Variants in ANAPC1 observed in about 807,000 individuals in gnomAD.
ANAPC1 encodes anaphase promoting complex subunit 1.
ANAPC1 carries 36 observed loss-of-function variants against 208.0 expected under a neutral mutation model. That is an observed-to-expected ratio of 0.17 (90% CI 0.13 to 0.23). The LOEUF is 0.23. Among genes scored for constraint, ANAPC1 ranks in the 10% least tolerant of loss-of-function variants. The pLI is 1.00. For missense variants in ANAPC1, 942 were observed against 2,011.6 expected (o/e 0.47, Z 10.17); for synonymous variants, 378 against 695.2 (o/e 0.54, Z 7.18).
intron 2 of ANAPC1, among the ~76,000 whole-genome samples, chr2:111,880,121 C>T (rs1683221311): frequency 6.6e-6 from 1 of 152,162 alleles, no homozygotes; most frequent in East Asian, 1.9e-4. Context: ...CGCCTGTAAA[C>T]GCAGCACTTT....
intron 38 of ANAPC1, 138 bp from the exon 39 acceptor site, chr2:111,788,458 G>C: frequency 1.8e-6 from 2 of 1,111,394 alleles, no homozygotes; most frequent in Non-Finnish European, 1.3e-6. Flanking sequence ...GAGTGTCAGT[G>C]GTGTGAACAT....
intron 3 of ANAPC1, among the ~76,000 whole-genome samples, chr2:111,878,536 C>G (rs957613840): frequency 2.0e-5 from 3 of 151,914 alleles, no homozygotes; most frequent in African/African-American, 7.3e-5. Context: ...TAGGTTTTTG[C>G]TGGCAATAAC....
chr2:111,816,335 TTCTC>T (rs1195210000), intron 27 of ANAPC1, among the ~76,000 whole-genome samples: 4 of 151,044 alleles, frequency 2.6e-5, no homozygotes, highest in Non-Finnish European at 4.4e-5. Context: ...ATATGCCCCC[TTCTC>T]TCTCTTTTTT....
chr2:111,788,392 T>C, intron 38 of ANAPC1, 72 bp from the exon 39 acceptor site: 1 of 1,569,260 alleles, frequency 6.4e-7, no homozygotes, highest in Non-Finnish European at 8.7e-7. Context: ...TTCTTGAGAA[T>C]CAGGAAACTG....
intron 7 of ANAPC1, among the ~76,000 whole-genome samples, chr2:111,866,770 C>G (rs1682444064): frequency 6.8e-6 from 1 of 147,114 alleles, no homozygotes; most frequent in Non-Finnish European, 1.5e-5. Context: ...AGACTATTCT[C>G]CAGAGAAAAA....
rs141781908 is a variant in ANAPC1, at chr2:111,863,681, G to T, written c.1046C>A (p.Ala349Asp). The T allele has an allele frequency of 6.2e-7, 1 of 1,613,048 alleles. No individual in the cohort carries two copies. Among genetic ancestry groups the T allele is most frequent in the African/African-American group, 1.3e-5 (1 of 74,892 alleles). Reference sequence around the variant, plus strand: ...AACCAGGAAACCCTTATACCTTAGAGCTGCCATGTTGGAAATAGAAGGTGA... The same window carrying T: ...AACCAGGAAACCCTTATACCTTAGATCTGCCATGTTGGAAATAGAAGGTGA... The part of the protein sequence containing the change: ...SRSPSISNMA[A>D]LSRAHSPALG... The change falls in exon 9 of 48, where the codon GCT becomes GAT. Residue 349 changes from alanine (A) to aspartate (D), a missense_variant. Ala to Asp is a moderately radical substitution (Grantham distance 126). Coordinates refer to ENST00000341068, the MANE Select transcript of ANAPC1 (RefSeq NM_022662.4).
At chr2:111,800,226 G>A (rs1379496451) in intron 34 of ANAPC1, among the ~76,000 whole-genome samples, 1 of 145,912 alleles carries the variant, frequency 6.9e-6, no homozygotes, top group Non-Finnish European at 1.5e-5. Context: ...TTCAATCTTT[G>A]AGATTTTTCT....
intron 47 of ANAPC1, chr2:111,771,095 GTGAAACTGAAGCAGACCAGA>G (rs1308835287): frequency 6.6e-6 from 1 of 150,590 alleles, no homozygotes; most frequent in Non-Finnish European, 1.5e-5. Context: ...TCTGCTTGGA[GTGAAACTGAAGCAGACCAGA>G]TCTAAAATTA....
intron 1 of ANAPC1, 151 bp from the exon 2 acceptor site, chr2:111,881,000 T>C: frequency 1.5e-6 from 1 of 649,572 alleles, no homozygotes; most frequent in Non-Finnish European, 2.6e-6. Flanking sequence ...TAAAAGGGCA[T>C]TCTAGATCTG....
In ANAPC1 at chr2:111,847,206, G is replaced by T. The variant is rs1218296844; in HGVS notation, c.1792-8C>A. ...GGAGCCATTACTCAGTTCCTAGATG[G>T]AAACAAATGAGAAAGTAGATAAAAT... On this transcript the variant is annotated splice_region_variant and splice_polypyrimidine_tract_variant and intron_variant, in intron 15 of 47. Transcript: ENST00000341068. 1 of 1,605,250 alleles carries T rather than the reference G, an allele frequency of 6.2e-7. No individual in the cohort carries two copies. Among genetic ancestry groups the T allele is most frequent in the Non-Finnish European group, 8.5e-7 (1 of 1,175,672 alleles).
chr2:111,787,583 A>G (rs1022542388), intron 39 of ANAPC1, among the ~76,000 whole-genome samples: 3 of 152,200 alleles, frequency 2.0e-5, no homozygotes, highest in Non-Finnish European at 4.4e-5. Context: ...GGTGTCTTAT[A>G]GGGGCTATTT....
At chr2:111,880,043 G>C (rs1683216010) in intron 2 of ANAPC1, among the ~76,000 whole-genome samples, 1 of 152,038 alleles carries the variant, frequency 6.6e-6, no homozygotes, top group Non-Finnish European at 1.5e-5. Flanking sequence ...GTTTAAAATG[G>C]ACAACAATCA....
At chr2:111,827,725 C>T (rs1317208836) in intron 21 of ANAPC1, among the ~76,000 whole-genome samples, 1 of 151,908 alleles carries the variant, frequency 6.6e-6, no homozygotes, top group Non-Finnish European at 1.5e-5. Context: ...CACTGCACTC[C>T]AGCCTGGGTG....
At chr2:111,853,874 G>A (rs4019116) in intron 13 of ANAPC1, among the ~76,000 whole-genome samples, 87,770 of 151,276 alleles carry the variant, frequency 0.58, 26,342 homozygotes, top group South Asian at 0.69. Context: ...CCGCCACCAC[G>A]CCCGGCTAAT....
At position 111,878,945 on chromosome 2, in the gene ANAPC1, T is replaced by G. The variant is rs761688578; in HGVS notation, c.240A>C (p.Val80=). The G allele has an allele frequency of 6.3e-7, 1 of 1,589,314 alleles. No individual in the cohort carries two copies. Among genetic ancestry groups the G allele is most frequent in the Non-Finnish European group, 8.5e-7 (1 of 1,172,650 alleles). The change falls in exon 3 of 48, where the codon GTA becomes GTC. Residue 80 remains valine, a synonymous_variant. Coordinates refer to ENST00000341068, the MANE Select transcript of ANAPC1 (RefSeq NM_022662.4). ...QKESWQLRKG[V]SEIGEDVDYD... ...AGTCCACATCTTCTCCAATTTCACT[T>G]ACTCCTTTCCTTAACTGCCAGCTTT...
At position 111,856,669 on chromosome 2, in the gene ANAPC1, G is replaced by A. The variant is rs201323726; in HGVS notation, c.1460C>T (p.Thr487Ile). 2.5e-6 allele frequency: 4 copies of A among 1,613,832 alleles called. No individual in the cohort carries two copies. Among genetic ancestry groups the A allele is most frequent in the Middle Eastern group, 1.7e-4 (1 of 6,056 alleles). Residue 487 changes from threonine (T) to isoleucine (I), a missense_variant, in exon 13 of 48, where the codon ACC (threonine) becomes ATC (isoleucine). By Grantham distance (89) the Thr-to-Ile change is moderately conservative. Coordinates refer to ENST00000341068, the MANE Select transcript of ANAPC1 (RefSeq NM_022662.4). Reference protein sequence around the residue: ...KDAAPVEKIDTMLVLEGSGNL... With the variant: ...KDAAPVEKIDIMLVLEGSGNL... ...TCCACTGCCTTCCAAGACCAGCATG[G>A]TGTCTATTTTCTAAAAAAACAAAAA... is the stretch of plus-strand genomic sequence containing the variant.
intron 14 of ANAPC1, among the ~76,000 whole-genome samples, chr2:111,848,691 C>T (rs1242219910): frequency 2.0e-5 from 3 of 151,004 alleles, no homozygotes; most frequent in Non-Finnish European, 4.4e-5. Flanking sequence ...GCAGAAGAAT[C>T]GCTTGAACCC....
At chr2:111,832,217 C>T (rs1208951064) in intron 20 of ANAPC1, among the ~76,000 whole-genome samples, 11 of 149,940 alleles carry the variant, frequency 7.3e-5, no homozygotes, top group Admixed American at 1.3e-4. Flanking sequence ...GCAGGAGAAT[C>T]GCTTGAGCCT....
At position 111,802,356 on chromosome 2, in the gene ANAPC1, C is replaced by T; in HGVS notation, c.4221+72G>A. On this transcript the variant is annotated intron_variant, in intron 33 of 47. Transcript: ENST00000341068. ...GGGATTACAGGCGTAAGCCACTGTG[C>T]CCGGCTTACAAGCTAAGTTTAAGAA... 5 of 1,153,390 alleles carry T rather than the reference C, an allele frequency of 4.3e-6. No homozygotes were observed. The South Asian group carries it at 6.2e-5, about 14-fold the overall frequency. 71.4% of individuals were successfully genotyped at this position (1,153,390 alleles called of 1,614,324 possible).
Sources: allele counts gnomAD v4.1 joint callset (sites outside exome capture counted in the v4.1 genomes callset), GRCh38; gene constraint gnomAD v4.1.1; transcripts MANE v1.5; gene names NCBI Gene and HGNC (gene_info 2026-07-23, HGNC 2026-07-21).